Variants in BIRC6 observed in about 807,000 individuals in gnomAD.
BIRC6 encodes baculoviral IAP repeat containing 6.
Under a neutral mutation model 503.3 loss-of-function variants are expected in BIRC6, and 98 were observed. The observed-to-expected ratio is 0.19, with a 90% CI of 0.17 to 0.23. BIRC6 has a LOEUF of 0.23. Ranked by LOEUF, BIRC6 falls within the 10% of genes least tolerant of loss-of-function variation. BIRC6 has a pLI of 1.00. For synonymous variants in BIRC6, 2,240 were observed against 2,078.7 expected (o/e 1.08, Z -2.11); for missense variants, 5,360 against 5,806.0 (o/e 0.92, Z 2.50).
intron 64 of BIRC6, chr2:32,549,094 A>G: frequency 1.2e-5 from 4 of 347,534 alleles, no homozygotes; most frequent in Non-Finnish European, 1.6e-5. Flanking sequence ...TTATATGTCT[A>G]GTCATATGTA....
At chr2:32,540,910 A>T (rs922945030) in intron 61 of BIRC6, among the ~76,000 whole-genome samples, 1 of 151,904 alleles carries the variant, frequency 6.6e-6, no homozygotes, top group Non-Finnish European at 1.5e-5. Context: ...ATAAGACTTA[A>T]AAATTTGTAT....
chr2:32,431,142 C>T (rs116813914), intron 12 of BIRC6, 52 bp downstream of exon 12: 10,944 of 877,494 alleles, frequency 0.012, 81 homozygotes, highest in Non-Finnish European at 0.016. Context: ...GTGTATTTGT[C>T]AGAGACAACG....
intron 23 of BIRC6, among the ~76,000 whole-genome samples, chr2:32,455,450 G>T (rs868400833): frequency 6.6e-6 from 1 of 150,774 alleles, no homozygotes; most frequent in Admixed American, 6.6e-5. Flanking sequence ...GCGAAACCTC[G>T]TCTCTACTAA....
intron 1 of BIRC6, among the ~76,000 whole-genome samples, chr2:32,366,568 AT>A (rs566448791): frequency 1.2e-3 from 185 of 152,304 alleles, no homozygotes; most frequent in African/African-American, 3.9e-3. Context: ...ACTTAAAAAA[AT>A]AATAGATTTC....
In BIRC6 at chr2:32,481,372, A is replaced by G; in HGVS notation, c.7461A>G (p.Leu2487=). ...AAGATAAAGAAATTGACCTTGAGTT[A>G]CTTCAGGATCTAATGGAAGTTGACA... The part of the protein sequence containing the change: ...LEKDKEIDLE[L]LQDLMEVDID... The change falls in exon 38 of 74, where the codon TTA becomes TTG. Residue 2487 remains leucine, a synonymous_variant. Coordinates refer to ENST00000421745, the MANE Select transcript of BIRC6 (RefSeq NM_016252.4). 6.2e-7 allele frequency: 1 copy of G among 1,611,412 alleles called. No individual in the cohort carries two copies. Among genetic ancestry groups the G allele is most frequent in the Middle Eastern group, 1.7e-4 (1 of 6,054 alleles).
At chr2:32,596,578 C>T (rs562507051) in intron 68 of BIRC6, among the ~76,000 whole-genome samples, 1 of 151,806 alleles carries the variant, frequency 6.6e-6, no homozygotes, top group Admixed American at 6.6e-5. Context: ...AGAAAGTGTA[C>T]AGCATCACTC....
chr2:32,465,248 G>GTTT, intron 26 of BIRC6, 84 bp downstream of exon 26: 1 of 385,414 alleles, frequency 2.6e-6, no homozygotes. Context: ...TCTTCAGTTC[G>GTTT]ATTTTTTTTT....
intron 21 of BIRC6, among the ~76,000 whole-genome samples, chr2:32,447,630 C>A (rs1186523582): frequency 8.4e-6 from 1 of 119,364 alleles, no homozygotes; most frequent in African/African-American, 3.4e-5. Context: ...CCCTCCCGGA[C>A]GGCGCGGCTG....
At chr2:32,490,532 C>G (rs2149325284) in intron 43 of BIRC6, among the ~76,000 whole-genome samples, 1 of 152,260 alleles carries the variant, frequency 6.6e-6, no homozygotes, top group African/African-American at 2.4e-5. Flanking sequence ...GAGACTCTGT[C>G]TCCAATAAAA....
chr2:32,498,112 A>G (rs2052702366), intron 45 of BIRC6, among the ~76,000 whole-genome samples: 1 of 152,062 alleles, frequency 6.6e-6, no homozygotes, highest in South Asian at 2.1e-4. Flanking sequence ...CACAGGTTGG[A>G]GCGTAGTGGT....
chr2:32,559,133 A>C (rs2058983263), intron 65 of BIRC6, among the ~76,000 whole-genome samples: 1 of 152,208 alleles, frequency 6.6e-6, no homozygotes, highest in African/African-American at 2.4e-5. Context: ...AAAATGAAAA[A>C]AATTGTTTAT....
intron 68 of BIRC6, among the ~76,000 whole-genome samples, chr2:32,596,298 G>A (rs1220585784): frequency 6.6e-6 from 1 of 151,892 alleles, no homozygotes; most frequent in African/African-American, 2.4e-5. Flanking sequence ...TGGCCAACAT[G>A]GTGTAACTCC....
At chr2:32,411,771 G>C (rs545684395) in intron 9 of BIRC6, among the ~76,000 whole-genome samples, 2 of 152,090 alleles carry the variant, frequency 1.3e-5, no homozygotes, top group African/African-American at 4.8e-5. Flanking sequence ...GGGCCACCGC[G>C]TCTGGCCTAA....
At chr2:32,465,817 A>G (rs949454725) in intron 26 of BIRC6, among the ~76,000 whole-genome samples, 1 of 152,256 alleles carries the variant, frequency 6.6e-6, no homozygotes, top group African/African-American at 2.4e-5. Context: ...GTATCATTAT[A>G]TGAAGAATTA....
intron 66 of BIRC6, among the ~76,000 whole-genome samples, chr2:32,593,398 A>G (rs2061499314): frequency 6.6e-6 from 1 of 152,192 alleles, no homozygotes; most frequent in African/African-American, 2.4e-5. Flanking sequence ...ACAGAATAAT[A>G]TCTTTAAAAT....
chr2:32,410,695 G>T (rs754861627), intron 9 of BIRC6, among the ~76,000 whole-genome samples: 23 of 151,786 alleles, frequency 1.5e-4, no homozygotes, highest in Non-Finnish European at 2.6e-4. Context: ...TGCTCTACTT[G>T]GGCAACTTCT....
intron 52 of BIRC6, 44 bp downstream of exon 52, chr2:32,510,038 G>A (rs756246711): frequency 6.3e-7 from 1 of 1,595,962 alleles, no homozygotes; most frequent in Admixed American, 1.8e-5. Context: ...TATCTGTAAA[G>A]TAACAGCAGT....
chr2:32,544,021 A>C lies in BIRC6; in HGVS notation c.12592+480A>C, dbSNP rs117869672. ...GGGCCTTGAAGGACAGATTAGATTT[A>C]GGTTGGGATGAGTTATCTCAGAAAA... On this transcript the variant is annotated intron_variant, in intron 62 of 73. Transcript: ENST00000421745. Among the ~76,000 whole-genome samples the C allele has an allele frequency of 1.2e-3, 188 of 152,278 alleles. 3 individuals are homozygous for C. In the East Asian group the frequency reaches 0.033, roughly 27 times the overall value.
chr2:32,402,598 T>C (rs1558630445), intron 8 of BIRC6, among the ~76,000 whole-genome samples: 1 of 152,230 alleles, frequency 6.6e-6, no homozygotes, highest in African/African-American at 2.4e-5. Flanking sequence ...GTCTAGTTCC[T>C]CTTGGTAATA....
Sources: gnomAD v4.1 joint callset for allele counts (sites outside exome capture counted in the v4.1 genomes callset) on GRCh38, gnomAD v4.1.1 for gene constraint, MANE v1.5 for transcripts, NCBI Gene and HGNC (gene_info 2026-07-23, HGNC 2026-07-21) for gene names.